The following SRFBP1 variants were observed in gnomAD, a reference collection of about 807,000 sequenced individuals.
SRFBP1 encodes the protein serum response factor-binding protein 1.
A neutral mutation model predicts 45.5 loss-of-function variants in SRFBP1; 47 were observed. That is an observed-to-expected ratio of 1.03 (90% CI 0.82 to 1.32). The LOEUF (loss-of-function observed/expected upper bound fraction) is 1.32. SRFBP1 is among the 40% of genes most tolerant of loss of function. SRFBP1 has a pLI of 0.00. For missense variants in SRFBP1, 621 were observed against 484.6 expected (o/e 1.28, Z -2.64); for synonymous variants, 203 against 166.3 (o/e 1.22, Z -1.70).
chr5:121,981,189 G>A (rs1391559328), intron 3 of SRFBP1, among the ~76,000 whole-genome samples: 1 of 151,804 alleles, frequency 6.6e-6, no homozygotes, highest in Admixed American at 6.6e-5. Context: ...TATTCTGAGG[G>A]CCTCAAGACA....
At chr5:122,006,642 C>G (rs1038037678) in intron 4 of SRFBP1, among the ~76,000 whole-genome samples, 1 of 151,998 alleles carries the variant, frequency 6.6e-6, no homozygotes. Flanking sequence ...AACCTATTTT[C>G]ATGTTCACAG....
intron 7 of SRFBP1, among the ~76,000 whole-genome samples, chr5:122,025,028 G>A (rs1029447207): frequency 6.6e-6 from 1 of 151,940 alleles, no homozygotes; most frequent in Non-Finnish European, 1.5e-5. Flanking sequence ...TGTTACATAT[G>A]TATACATGTG....
intron 1 of SRFBP1, 135 bp downstream of exon 1, chr5:121,962,203 A>G (rs1580491569): frequency 3.6e-6 from 4 of 1,106,668 alleles, no homozygotes; most frequent in South Asian, 1.3e-5. Context: ...GTTTCCCGCA[A>G]CTTGGAGTTT....
intron 3 of SRFBP1, among the ~76,000 whole-genome samples, chr5:121,989,307 C>G (rs1752578931): frequency 6.6e-6 from 1 of 151,934 alleles, no homozygotes; most frequent in Non-Finnish European, 1.5e-5. Context: ...ACATCGTGAT[C>G]CGCCCACCTC....
intron 4 of SRFBP1, among the ~76,000 whole-genome samples, chr5:122,013,997 T>TAAC (rs140703423): frequency 0.21 from 32,639 of 151,892 alleles, 3,849 homozygotes; most frequent in African/African-American, 0.32. Flanking sequence ...TGACTACAGT[T>TAAC]AATATATTTC....
At chr5:122,075,877 T>G (rs1754612246), downstream of SRFBP1, 1 of 159,756 alleles carries the variant, frequency 6.3e-6, no homozygotes, top group Non-Finnish European at 1.4e-5. Flanking sequence ...TTTGATCATA[T>G]GAATGAGTGA....
At chr5:122,000,629 G>A (rs1400099167) in intron 4 of SRFBP1, among the ~76,000 whole-genome samples, 1 of 152,006 alleles carries the variant, frequency 6.6e-6, no homozygotes, top group Non-Finnish European at 1.5e-5. Context: ...GTAAAAGTCT[G>A]CCATAATTCT....
intron 3 of SRFBP1, among the ~76,000 whole-genome samples, chr5:121,985,023 T>C (rs1442856332): frequency 6.6e-6 from 1 of 151,902 alleles, no homozygotes; most frequent in Non-Finnish European, 1.5e-5. Context: ...CACTTTATTT[T>C]GGCTCAACAA....
intron 4 of SRFBP1, among the ~76,000 whole-genome samples, chr5:121,995,507 T>G (rs1752704527): frequency 6.6e-6 from 1 of 151,738 alleles, no homozygotes; most frequent in Non-Finnish European, 1.5e-5. Flanking sequence ...TGGGACACAT[T>G]CAAAGCAGTG....
At chr5:122,048,402 A>G (rs956362187) in intron 2 of SRFBP1, among the ~76,000 whole-genome samples, 1 of 152,156 alleles carries the variant, frequency 6.6e-6, no homozygotes, top group Non-Finnish European at 1.5e-5. Flanking sequence ...AGCCCACTTG[A>G]TCATGGTGGA....
At chr5:121,974,323 T>G in intron 2 of SRFBP1, 39 bp downstream of exon 2, 1 of 1,417,772 alleles carries the variant, frequency 7.1e-7, no homozygotes, top group Admixed American at 1.7e-5. Flanking sequence ...ACTAATAAAA[T>G]GTCAAAAGTT....
intron 2 of SRFBP1, among the ~76,000 whole-genome samples, chr5:122,072,238 G>A (rs1016507674): frequency 2.6e-5 from 4 of 152,086 alleles, no homozygotes; most frequent in African/African-American, 7.2e-5. Flanking sequence ...ATTGGCACTC[G>A]AGTTCATAAG....
chr5:121,965,687 C>G (rs895839659), intron 1 of SRFBP1, among the ~76,000 whole-genome samples: 1 of 152,000 alleles, frequency 6.6e-6, no homozygotes, highest in Non-Finnish European at 1.5e-5. Context: ...TTTTTTGATT[C>G]CATATGAACT....
At chr5:122,003,493 G>A (rs1752916543) in intron 4 of SRFBP1, among the ~76,000 whole-genome samples, 1 of 152,042 alleles carries the variant, frequency 6.6e-6, no homozygotes, top group Admixed American at 6.6e-5. Context: ...TTTTTGAGAT[G>A]TCAAAATACA....
chr5:122,001,079 C>G (rs574221505), intron 4 of SRFBP1, among the ~76,000 whole-genome samples: 1 of 151,968 alleles, frequency 6.6e-6, no homozygotes, highest in Non-Finnish European at 1.5e-5. Context: ...AAGTTTTTCT[C>G]TTTTTTCTAA....
intron 2 of SRFBP1, among the ~76,000 whole-genome samples, chr5:122,045,657 G>A (rs1409565431): frequency 2.0e-5 from 3 of 152,058 alleles, no homozygotes; most frequent in Admixed American, 6.6e-5. Context: ...CTCTTGGCTT[G>A]TATGTCACTG....
At chr5:122,034,773 T>G (rs1363421479) in intron 2 of SRFBP1, among the ~76,000 whole-genome samples, 1 of 145,800 alleles carries the variant, frequency 6.9e-6, no homozygotes, top group Non-Finnish European at 1.5e-5. Flanking sequence ...GCAGATTTCT[T>G]AAAAAAAAAA....
intron 3 of SRFBP1, among the ~76,000 whole-genome samples, chr5:121,993,863 T>G (rs951806077): frequency 3.9e-5 from 6 of 152,042 alleles, no homozygotes; most frequent in Non-Finnish European, 8.8e-5. Context: ...AAGGGCCTTT[T>G]TTAATTTTTC....
chr5:122,073,292 C>T (rs955114393), intron 2 of SRFBP1, among the ~76,000 whole-genome samples: 1 of 152,190 alleles, frequency 6.6e-6, no homozygotes, highest in Non-Finnish European at 1.5e-5. Context: ...AATGATAAAA[C>T]ATGCAAACTG....
Sources: gnomAD v4.1 joint callset for allele counts (sites outside exome capture counted in the v4.1 genomes callset) on GRCh38, gnomAD v4.1.1 for gene constraint, MANE v1.5 for transcripts, NCBI Gene and HGNC (gene_info 2026-07-23, HGNC 2026-07-21) for gene names.